Variants in ZFP62 observed in about 807,000 individuals in gnomAD.
ZFP62 encodes the protein ZFP62 zinc finger protein, also known as zinc finger protein 62 homolog.
Under a neutral mutation model 56.4 loss-of-function variants are expected in ZFP62, and 44 were observed. That is an observed-to-expected ratio of 0.78 (90% CI 0.61 to 1.00). The LOEUF is 1.00. Among genes scored for constraint, ZFP62 ranks in the 50% least tolerant of loss-of-function variants. The pLI, the probability that ZFP62 is intolerant of heterozygous loss-of-function variation, is 0.00. For missense variants in ZFP62, 1,030 were observed against 1,085.7 expected (o/e 0.95, Z 0.72); for synonymous variants, 421 against 388.9 (o/e 1.08, Z -0.97).
At chr5:180,829,795 C>G in the ZFP62 span, among the ~76,000 whole-genome samples, 6 of 152,248 alleles carry the variant, frequency 3.9e-5, no homozygotes, top group African/African-American at 1.2e-4. Flanking sequence ...ACTGAAAGCC[C>G]CGGCCATAGT....
rs2113684471 is a variant in ZFP62, at chr5:180,850,911, T to C, written c.584A>G (p.Lys195Arg). Residue 195 changes from lysine to arginine, a missense_variant, in exon 2 of 2, where the codon AAG becomes AGG. By Grantham distance (26) the Lys-to-Arg change is conservative. Coordinates refer to ENST00000502412, the MANE Select transcript of ZFP62 (RefSeq NM_001172638.2). Reference sequence around the variant, plus strand: ...CCCACATTCCTCACACTTGTACGGCTTCTCCCCAGTGTGGATCCGTTTGTG... The same window carrying C: ...CCCACATTCCTCACACTTGTACGGCCTCTCCCCAGTGTGGATCCGTTTGTG... ...RVHKRIHTGEKPYKCEECGKA... is the reference protein window; with the variant it reads ...RVHKRIHTGERPYKCEECGKA... The C allele has an allele frequency of 1.9e-6, 3 of 1,564,282 alleles. No individual in the cohort carries two copies. The highest frequency in any genetic ancestry group is 2.6e-6 in the Non-Finnish European group (3 of 1,154,734).
chr5:180,837,644 G>C, the ZFP62 span, among the ~76,000 whole-genome samples: 4 of 152,152 alleles, frequency 2.6e-5, no homozygotes, highest in Non-Finnish European at 5.9e-5. Flanking sequence ...GGAGGCTCTG[G>C]AATGTATAAC....
At chr5:180,828,684 A>G in the ZFP62 span, among the ~76,000 whole-genome samples, 2 of 152,326 alleles carry the variant, frequency 1.3e-5, no homozygotes, top group East Asian at 3.9e-4. Flanking sequence ...TGTTTGAACA[A>G]TATGAAATCA....
chr5:180,829,427 G>T, the ZFP62 span, among the ~76,000 whole-genome samples: 5 of 152,360 alleles, frequency 3.3e-5, no homozygotes, highest in Admixed American at 2.6e-4. Context: ...AAAACCTGCT[G>T]GTTTTACGGC....
At chr5:180,853,705 C>T (rs1773833054) in intron 1 of ZFP62, among the ~76,000 whole-genome samples, 1 of 152,172 alleles carries the variant, frequency 6.6e-6, no homozygotes, top group Non-Finnish European at 1.5e-5. Flanking sequence ...TACGTAAGTA[C>T]ATTCAGTCTG....
chr5:180,858,999 G>A (rs1349620595), intron 1 of ZFP62, among the ~76,000 whole-genome samples: 1 of 151,992 alleles, frequency 6.6e-6, no homozygotes, highest in African/African-American at 2.4e-5. Flanking sequence ...ATGCTTTATC[G>A]CCAAGGCCTA....
intron 1 of ZFP62, among the ~76,000 whole-genome samples, chr5:180,853,335 C>T (rs956513697): frequency 6.6e-5 from 10 of 152,112 alleles, no homozygotes; most frequent in African/African-American, 2.2e-4. Flanking sequence ...TGCTACGTTT[C>T]GTGTAGGAAA....
chr5:180,861,052 C>G (rs919782209), intron 1 of ZFP62, among the ~76,000 whole-genome samples, 167 bp downstream of exon 1: 1 of 152,202 alleles, frequency 6.6e-6, no homozygotes, highest in Non-Finnish European at 1.5e-5. Flanking sequence ...TCTTCCCTCC[C>G]CTCCGCTCCC....
chr5:180,853,636 AG>A (rs1156367422), intron 1 of ZFP62, among the ~76,000 whole-genome samples: 1 of 152,262 alleles, frequency 6.6e-6, no homozygotes, highest in Non-Finnish European at 1.5e-5. Flanking sequence ...CCACAATCGC[AG>A]GAAGAGAACA....
the ZFP62 span, chr5:180,830,198 GTC>G: frequency 1.3e-5 from 2 of 152,226 alleles, no homozygotes; most frequent in Non-Finnish European, 2.9e-5. Flanking sequence ...CGATCAACTG[GTC>G]TCTCCATCTT....
At chr5:180,847,062 T>C (rs571373102), downstream of ZFP62, among the ~76,000 whole-genome samples, 1 of 152,276 alleles carries the variant, frequency 6.6e-6, no homozygotes, top group East Asian at 1.9e-4. Context: ...AATATACTCC[T>C]AGAAAGAGCA....
chr5:180,828,963 A>G, the ZFP62 span, among the ~76,000 whole-genome samples: 1 of 152,058 alleles, frequency 6.6e-6, no homozygotes, highest in Non-Finnish European at 1.5e-5. Flanking sequence ...TGCGGTAGCG[A>G]TAAGGACTGA....
downstream of ZFP62, chr5:180,847,556 A>G: frequency 1.0e-6 from 1 of 982,988 alleles, no homozygotes; most frequent in African/African-American, 1.7e-5. Context: ...CTTACCCAAC[A>G]AAGATCTGGC....
chr5:180,848,651 T>C lies in ZFP62; in HGVS notation c.*141A>G. The C allele has an allele frequency of 9.4e-6, 13 of 1,376,306 alleles. No individual in the cohort carries two copies. The highest frequency in any genetic ancestry group is 1.2e-5 in the Non-Finnish European group (13 of 1,065,702). 85.3% of individuals were successfully genotyped at this position (1,376,306 alleles called of 1,614,324 possible). On this transcript the variant is annotated 3_prime_UTR_variant, in exon 2 of 2. Transcript: ENST00000502412. ...CTTTCTTGCTTGCTATGATTGAAAA[T>C]CACATAGAAAGGATTCCTCATAATC...
chr5:180,831,998 A>G, the ZFP62 span: 1 of 153,324 alleles, frequency 6.5e-6, no homozygotes, highest in Non-Finnish European at 1.4e-5. Flanking sequence ...TCCCCTCCCC[A>G]GAATCGCTTG....
At chr5:180,857,365 C>T (rs1306225004) in intron 1 of ZFP62, among the ~76,000 whole-genome samples, 4 of 152,154 alleles carry the variant, frequency 2.6e-5, no homozygotes. Flanking sequence ...AAAAATCATT[C>T]TTAGTTTGTA....
downstream of ZFP62, among the ~76,000 whole-genome samples, chr5:180,846,726 G>A (rs1162320111): frequency 6.6e-6 from 1 of 152,176 alleles, no homozygotes; most frequent in Non-Finnish European, 1.5e-5. Context: ...ATCCATTAGG[G>A]TGGTTGTGCT....
At chr5:180,827,437 C>G in the ZFP62 span, among the ~76,000 whole-genome samples, 8 of 152,204 alleles carry the variant, frequency 5.3e-5, no homozygotes, top group African/African-American at 1.7e-4. Flanking sequence ...TGTGTCAACT[C>G]AGGGTTAAAT....
At chr5:180,845,102 C>T (rs1336056945), downstream of ZFP62, among the ~76,000 whole-genome samples, 1 of 151,926 alleles carries the variant, frequency 6.6e-6, no homozygotes, top group African/African-American at 2.4e-5. Context: ...GAGTCTGAGG[C>T]TGGGCAGATT....
Sources: allele counts gnomAD v4.1 joint callset (sites outside exome capture counted in the v4.1 genomes callset), GRCh38; gene constraint gnomAD v4.1.1; transcripts MANE v1.5; gene names NCBI Gene and HGNC (gene_info 2026-07-23, HGNC 2026-07-21).